FSTL4: variants seen among roughly 807,000 people sequenced by gnomAD.
The protein encoded by FSTL4 is follistatin like 4.
A neutral mutation model predicts 78.2 loss-of-function variants in FSTL4; 28 were observed. The ratio of observed to expected loss-of-function variants is 0.36; its 90% CI spans 0.27 to 0.49. The LOEUF (loss-of-function observed/expected upper bound fraction) is 0.49. Ranked by LOEUF, FSTL4 falls within the 20% of genes least tolerant of loss-of-function variation. The probability of loss-of-function intolerance (pLI) is 0.98; values close to 1 mark genes in which losing one functional copy is unlikely to be tolerated. For synonymous variants in FSTL4, 422 were observed against 440.5 expected (o/e 0.96, Z 0.53); for missense variants, 922 against 1,084.9 (o/e 0.85, Z 2.11).
chr5:133,795,075 C>G, the FSTL4 span, among the ~76,000 whole-genome samples: 693 of 152,332 alleles, frequency 4.5e-3, 7 homozygotes, highest in African/African-American at 0.016. Flanking sequence ...GTCAGAACAG[C>G]CCGGGGCCTA....
At chr5:133,614,783 T>A (rs1761169831), upstream of FSTL4, among the ~76,000 whole-genome samples, 1 of 152,154 alleles carries the variant, frequency 6.6e-6, no homozygotes. Flanking sequence ...TGTAATTCAA[T>A]AAGCTTGGAA....
the FSTL4 span, among the ~76,000 whole-genome samples, chr5:133,684,301 C>T: frequency 6.6e-6 from 1 of 152,310 alleles, no homozygotes; most frequent in Middle Eastern, 3.4e-3. Context: ...CCCCGACCCT[C>T]GCAGGTCAAT....
intron 14 of FSTL4, among the ~76,000 whole-genome samples, chr5:133,206,182 C>A (rs1561617547): frequency 6.6e-6 from 1 of 151,866 alleles, no homozygotes; most frequent in Non-Finnish European, 1.5e-5. Context: ...GAGGACTTGA[C>A]AAAACTCAGC....
chr5:133,811,986 G>A, the FSTL4 span, among the ~76,000 whole-genome samples: 2 of 152,148 alleles, frequency 1.3e-5, no homozygotes, highest in Non-Finnish European at 2.9e-5. Context: ...ACCTGTTGCA[G>A]AATTCATTTC....
At chr5:133,535,041 T>C (rs919476718) in intron 3 of FSTL4, among the ~76,000 whole-genome samples, 1 of 152,200 alleles carries the variant, frequency 6.6e-6, no homozygotes, top group African/African-American at 2.4e-5. Flanking sequence ...AGGTTAACTG[T>C]GGTCGTAAGG....
intron 6 of FSTL4, among the ~76,000 whole-genome samples, chr5:133,263,407 G>A (rs1752574983): frequency 6.6e-6 from 1 of 152,114 alleles, no homozygotes; most frequent in Admixed American, 6.5e-5. Context: ...GACCCCCAAT[G>A]TTTAAAGGCG....
chr5:133,500,062 G>T (rs369171051), intron 3 of FSTL4, among the ~76,000 whole-genome samples: 5 of 152,100 alleles, frequency 3.3e-5, no homozygotes, highest in African/African-American at 7.2e-5. Flanking sequence ...ATCAATATTT[G>T]CTCTGCTACA....
At chr5:133,397,591 C>G (rs1056128216) in intron 4 of FSTL4, among the ~76,000 whole-genome samples, 35 of 152,238 alleles carry the variant, frequency 2.3e-4, no homozygotes, top group African/African-American at 8.4e-4. Flanking sequence ...TTCTCCCTTG[C>G]AGGGTGGTGA....
chr5:133,829,182 G>T, the FSTL4 span, among the ~76,000 whole-genome samples: 1 of 152,164 alleles, frequency 6.6e-6, no homozygotes. Context: ...CTGAGGTCAG[G>T]AGTTCAAGTC....
chr5:133,228,954 T>A lies in FSTL4; in HGVS notation c.1016-3135A>T, dbSNP rs6862007. Among the ~76,000 whole-genome samples, 340 of 152,328 alleles carry A rather than the reference T, an allele frequency of 2.2e-3. 1 individual carries two copies. Among genetic ancestry groups the A allele is most frequent in the Middle Eastern group, 0.017 (5 of 294 alleles). ...GATGGAGAAAAATCATATGTAGTTATATCCAGGTAATGCACCAATAAAGTT... is the reference window on the plus strand; with the variant it reads ...GATGGAGAAAAATCATATGTAGTTAAATCCAGGTAATGCACCAATAAAGTT... On this transcript the variant is annotated intron_variant, in intron 8 of 15. Coordinates refer to ENST00000265342, the MANE Select transcript of FSTL4 (RefSeq NM_015082.2).
chr5:133,462,516 G>A (rs887657712), intron 3 of FSTL4, among the ~76,000 whole-genome samples: 3 of 152,214 alleles, frequency 2.0e-5, no homozygotes, highest in African/African-American at 4.8e-5. Flanking sequence ...GGATGCAGGG[G>A]TTGACTCTGG....
intron 3 of FSTL4, among the ~76,000 whole-genome samples, chr5:133,446,841 T>C (rs900810614): frequency 1.3e-5 from 2 of 152,190 alleles, no homozygotes; most frequent in Non-Finnish European, 2.9e-5. Flanking sequence ...GCTCCACTCA[T>C]CCTGTCCCCT....
intron 6 of FSTL4, among the ~76,000 whole-genome samples, chr5:133,302,119 G>A (rs1753555324): frequency 1.3e-5 from 2 of 152,028 alleles, no homozygotes; most frequent in South Asian, 4.2e-4. Flanking sequence ...GTCCAAAGAT[G>A]CTATCAGCCT....
At chr5:133,372,707 TC>T in intron 4 of FSTL4, among the ~76,000 whole-genome samples, 1 of 152,326 alleles carries the variant, frequency 6.6e-6, no homozygotes, top group South Asian at 2.1e-4. Flanking sequence ...AGCCTTTGTT[TC>T]CCCTTGGGTA....
chr5:133,736,329 C>T, the FSTL4 span, among the ~76,000 whole-genome samples: 1 of 152,180 alleles, frequency 6.6e-6, no homozygotes, highest in African/African-American at 2.4e-5. Context: ...TAATTACTTT[C>T]ATGCACAACC....
At chr5:133,381,000 C>G (rs1020549879) in intron 4 of FSTL4, among the ~76,000 whole-genome samples, 1 of 152,066 alleles carries the variant, frequency 6.6e-6, no homozygotes, top group East Asian at 1.9e-4. Context: ...GCAGAAAAAG[C>G]ATTTTGTCAA....
At chr5:133,392,925 T>C (rs1755887031) in intron 4 of FSTL4, among the ~76,000 whole-genome samples, 1 of 152,228 alleles carries the variant, frequency 6.6e-6, no homozygotes, top group Non-Finnish European at 1.5e-5. Flanking sequence ...TCATTCAAAG[T>C]ACAGCAGTTC....
At chr5:133,401,078 A>G in intron 3 of FSTL4, 92 bp from the exon 4 acceptor site, 1 of 1,452,998 alleles carries the variant, frequency 6.9e-7, no homozygotes, top group South Asian at 1.2e-5. Context: ...CACAGACTCC[A>G]TTTGCCTGTG....
At chr5:133,706,995 A>G in the FSTL4 span, among the ~76,000 whole-genome samples, 1 of 152,144 alleles carries the variant, frequency 6.6e-6, no homozygotes, top group Non-Finnish European at 1.5e-5. Flanking sequence ...CTGCATCATC[A>G]TGAGGTCATA....
Sources: allele counts gnomAD v4.1 joint callset (sites outside exome capture counted in the v4.1 genomes callset), GRCh38; gene constraint gnomAD v4.1.1; transcripts MANE v1.5; gene names NCBI Gene and HGNC (gene_info 2026-07-23, HGNC 2026-07-21).